Variants in PADI6 observed in about 807,000 individuals in gnomAD.
The protein encoded by PADI6 is peptidyl arginine deiminase 6.
Under a neutral mutation model 78.2 loss-of-function variants are expected in PADI6, and 66 were observed. The ratio of observed to expected loss-of-function variants is 0.84; its 90% CI spans 0.69 to 1.04. PADI6 has a LOEUF of 1.04. Ranked by LOEUF, PADI6 falls within the 50% of genes least tolerant of loss-of-function variation. PADI6 has a pLI of 0.00. For synonymous variants in PADI6, 397 were observed against 346.9 expected (o/e 1.14, Z -1.60); for missense variants, 854 against 866.1 (o/e 0.99, Z 0.18).
chr1:17,381,074 T>A lies in PADI6; in HGVS notation c.463T>A (p.Trp155Arg). The A allele has an allele frequency of 6.2e-7, 1 of 1,606,994 alleles. No individual in the cohort carries two copies. Among genetic ancestry groups the A allele is most frequent in the Non-Finnish European group, 8.5e-7 (1 of 1,176,956 alleles). ...KKKWIWGPSG[W>R]GAILLVNCNP... ...AAAATGGATCTGGGGTCCCAGCGGTTGGGGTGCCATCCTGCTTGTGAATTG... is the reference window on the plus strand; with the variant it reads ...AAAATGGATCTGGGGTCCCAGCGGTAGGGGTGCCATCCTGCTTGTGAATTG... Residue 155 changes from tryptophan to arginine, a missense_variant, in exon 5 of 16, where the codon TGG (tryptophan) becomes AGG (arginine). Coordinates refer to ENST00000619609, the MANE Select transcript of PADI6 (RefSeq NM_207421.4).
intron 14 of PADI6, among the ~76,000 whole-genome samples, chr1:17,398,176 C>A (rs2075264868): frequency 6.6e-6 from 1 of 152,218 alleles, no homozygotes; most frequent in Admixed American, 6.5e-5. Flanking sequence ...AAGGAATGTT[C>A]TATGCCCCGC....
rs1404909746 is a variant in PADI6 at position 17,384,124 on chromosome 1, C to CAG, written c.679+2035_679+2036dup. Among the ~76,000 whole-genome samples, 6 of 151,028 alleles carry CAG rather than the reference C, an allele frequency of 4.0e-5. No individual in the cohort carries two copies. In the East Asian group the frequency reaches 9.9e-4, roughly 25 times the overall value. On this transcript the variant is annotated intron_variant, in intron 6 of 15. Transcript: ENST00000619609. ...CACCACTGCACTCCAGCCTAGGTGACAGAGTGGGACTCTGTCTCAAAAAAA... is the reference window on the plus strand; with the variant it reads ...CACCACTGCACTCCAGCCTAGGTGACAGAGAGTGGGACTCTGTCTCAAAAAAA...
At chr1:17,389,217 A>G (rs1015513037) in intron 8 of PADI6, among the ~76,000 whole-genome samples, 3 of 152,222 alleles carry the variant, frequency 2.0e-5, no homozygotes, top group Non-Finnish European at 4.4e-5. Context: ...ACGGAGCCAG[A>G]GAACAGGTGT....
intron 8 of PADI6, among the ~76,000 whole-genome samples, chr1:17,391,364 C>T (rs2075181960): frequency 6.6e-6 from 1 of 152,186 alleles, no homozygotes; most frequent in Admixed American, 6.5e-5. Context: ...GGATTACAGG[C>T]ATGTACTGCC....
chr1:17,384,847 G>A (rs2075104881), intron 6 of PADI6, among the ~76,000 whole-genome samples: 1 of 152,228 alleles, frequency 6.6e-6, no homozygotes, highest in Admixed American at 6.5e-5. Flanking sequence ...AAGCCAGGTT[G>A]AAATGGGGAG....
At chr1:17,383,617 G>A (rs1418931351) in intron 6 of PADI6, among the ~76,000 whole-genome samples, 1 of 152,238 alleles carries the variant, frequency 6.6e-6, no homozygotes, top group Non-Finnish European at 1.5e-5. Flanking sequence ...GGAGGCTGAG[G>A]CAGATGGATC....
At chr1:17,387,293 AAAC>A (rs1235155741) in intron 6 of PADI6, among the ~76,000 whole-genome samples, 1 of 152,068 alleles carries the variant, frequency 6.6e-6, no homozygotes, top group Non-Finnish European at 1.5e-5. Context: ...AAAATACAAA[AAAC>A]TAGCCGGGCA....
At chr1:17,393,495 C>A (rs1244484079) in intron 9 of PADI6, among the ~76,000 whole-genome samples, 6 of 152,138 alleles carry the variant, frequency 3.9e-5, no homozygotes, top group African/African-American at 1.4e-4. Flanking sequence ...TTAATGGATT[C>A]TTTACGAAAG....
Position 17,401,374 on chromosome 1 carries a change from TCTGTGC to T in PADI6, c.2029_2034del (p.Cys677_Ala678del). 1 of 1,614,078 alleles carries T rather than the reference TCTGTGC, an allele frequency of 6.2e-7. No individual in the cohort carries two copies. Among genetic ancestry groups the T allele is most frequent in the Non-Finnish European group, 8.5e-7 (1 of 1,179,904 alleles). Reference sequence around the variant, plus strand: ...TGTTACCTGACAGAGGTCGGAGACATCTGTGCCTGTGCCAACATCCGCCGGGTGCCC... The same window carrying T: ...TGTTACCTGACAGAGGTCGGAGACATCTGTGCCAACATCCGCCGGGTGCCC... On this transcript the variant is annotated inframe_deletion, in exon 16 of 16. Coordinates refer to ENST00000619609, the MANE Select transcript of PADI6 (RefSeq NM_207421.4).
At chr1:17,396,422 C>T (rs930623761) in intron 13 of PADI6, among the ~76,000 whole-genome samples, 5 of 152,100 alleles carry the variant, frequency 3.3e-5, no homozygotes, top group African/African-American at 1.2e-4. Context: ...CAGAAAGGGG[C>T]TGGGGGTATT....
chr1:17,373,472 AT>A (rs2100282913), intron 2 of PADI6, among the ~76,000 whole-genome samples: 1 of 151,186 alleles, frequency 6.6e-6, no homozygotes, highest in South Asian at 2.1e-4. Context: ...CAGGACTGGG[AT>A]TTATTTTTTA....
At position 17,384,575 on chromosome 1, in the gene PADI6, C is replaced by T. The variant is rs1473379341; in HGVS notation, c.679+2483C>T. ...TGGCCAACATGGTTAAAACCATCTG[C>T]TAAAAATACCAAAATTAGCTAGGTG... On this transcript the variant is annotated intron_variant, in intron 6 of 15. Transcript: ENST00000619609. 2.6e-5 allele frequency among the ~76,000 whole-genome samples: 4 copies of T among 152,166 alleles called. No homozygotes were observed. In the South Asian group the frequency reaches 6.2e-4, roughly 24 times the overall value.
intron 2 of PADI6, among the ~76,000 whole-genome samples, chr1:17,373,514 T>TGAGA (rs377236870): frequency 0.25 from 37,605 of 151,180 alleles, 5,078 homozygotes; most frequent in African/African-American, 0.35. Flanking sequence ...TTTTTTTTTT[T>TGAGA]GAGTCTCACG....
At position 17,395,015 on chromosome 1, in the gene PADI6, C is replaced by T; in HGVS notation, c.1402C>T (p.Pro468Ser). The T allele has an allele frequency of 1.2e-6, 2 of 1,613,808 alleles. No individual in the cohort carries two copies. Among genetic ancestry groups the T allele is most frequent in the East Asian group, 2.2e-5 (1 of 44,874 alleles). Residue 468 changes from proline (P) to serine (S), a missense_variant, in exon 12 of 16, where the codon CCG becomes TCG. Transcript: ENST00000619609. ...CCTCTATGCCCAGCAGGTCCAAGCGCCGGTGGAGCTCTACTCAGATTGGCT... is the reference window on the plus strand; with the variant it reads ...CCTCTATGCCCAGCAGGTCCAAGCGTCGGTGGAGCTCTACTCAGATTGGCT... ...DFLYAQQVQA[P>S]VELYSDWLMT...
chr1:17,382,408 TAC>T lies in PADI6; in HGVS notation c.679+320_679+321del, dbSNP rs1296949533. ...TCCACTGAAACAGTAGCTATTGCCT[TAC>T]ACAGAGTAGATCACATCTCCCAGTG... On this transcript the variant is annotated intron_variant, in intron 6 of 15. Transcript: ENST00000619609. 3.3e-5 allele frequency among the ~76,000 whole-genome samples: 5 copies of T among 152,342 alleles called. No individual in the cohort carries two copies. The South Asian group carries it at 6.2e-4, about 19-fold the overall frequency.
In PADI6 at chr1:17,398,665, CACCCA is replaced by C; in HGVS notation, c.1690-20_1690-16del. 1 of 174,298 alleles carries C rather than the reference CACCCA, an allele frequency of 5.7e-6. No homozygotes were observed. The highest frequency in any genetic ancestry group is 1.2e-5 in the Non-Finnish European group (1 of 83,634). 10.8% of individuals were successfully genotyped at this position (174,298 alleles called of 1,614,324 possible). A position where few individuals can be genotyped will look rare whatever the true frequency, so the allele number is the denominator to read the frequency against. ...CTCCTTGCTCCCCCGCCCCCCCCCC[CACCCA>C]CCCACCCACCCACAGAAGTGCATTC... On this transcript the variant is annotated splice_polypyrimidine_tract_variant and intron_variant, in intron 14 of 15. Coordinates refer to ENST00000619609, the MANE Select transcript of PADI6 (RefSeq NM_207421.4).
rs555296837 is a variant in PADI6 at position 17,395,071 on chromosome 1, C to T, written c.1458C>T (p.Cys486=). 2.5e-4 allele frequency: 408 copies of T among 1,614,040 alleles called. 4 individuals are homozygous for T. In the South Asian group the frequency reaches 4.1e-3, roughly 16 times the overall value. The change falls in exon 12 of 16, where the codon TGC becomes TGT. Residue 486 remains cysteine, a synonymous_variant. Transcript: ENST00000619609. ...LMTGHVDEFM[C]FIPTDDKNEG... ...CTGGCCACGTGGATGAGTTCATGTG[C>T]TTCATCCCCACAGATGACAAGAATG...
Position 17,392,143 on chromosome 1 carries a change from C to T in PADI6, c.992C>T (p.Thr331Ile), listed in dbSNP as rs1300346813. 4 of 1,560,388 alleles carry T rather than the reference C, an allele frequency of 2.6e-6. No homozygotes were observed. The East Asian group carries it at 9.6e-5, about 37-fold the overall frequency. The change falls in exon 9 of 16, where the codon ACA (threonine) becomes ATA (isoleucine). Residue 331 changes from threonine (T) to isoleucine (I), a missense_variant. Transcript: ENST00000619609. ...CTGCAGCTGCAGGGTTTTGTGGACA[C>T]AGTGACGAAGCTGAGTGAGAAGAGC... Reference protein sequence around the residue: ...RELQLQGFVDTVTKLSEKSNS... With the variant: ...RELQLQGFVDIVTKLSEKSNS...
At chr1:17,378,611 T>C (rs1377211303) in intron 3 of PADI6, among the ~76,000 whole-genome samples, 1 of 152,084 alleles carries the variant, frequency 6.6e-6, no homozygotes, top group African/African-American at 2.4e-5. Context: ...TTTTTGTTTG[T>C]TTTTGTTTTT....
Sources: allele counts gnomAD v4.1 joint callset (sites outside exome capture counted in the v4.1 genomes callset), GRCh38; gene constraint gnomAD v4.1.1; transcripts MANE v1.5; gene names NCBI Gene and HGNC (gene_info 2026-07-23, HGNC 2026-07-21).